The following UBN2 variants were observed in gnomAD, a reference collection of about 807,000 sequenced individuals.
UBN2 encodes ubinuclein 2.
Under a neutral mutation model 120.2 loss-of-function variants are expected in UBN2, and 35 were observed. That is an observed-to-expected ratio of 0.29 (90% CI 0.22 to 0.39). UBN2 has a LOEUF of 0.39. Among genes scored for constraint, UBN2 ranks in the 10% least tolerant of loss-of-function variants. UBN2 has a pLI of 1.00. For synonymous variants in UBN2, 661 were observed against 648.7 expected (o/e 1.02, Z -0.29); for missense variants, 1,693 against 1,663.2 (o/e 1.02, Z -0.31).
rs924988116 is a variant in UBN2 at position 139,231,637 on chromosome 7, G to A, written c.153G>A (p.Pro51=). The change falls in exon 1 of 18, where the codon CCG becomes CCA. Residue 51 remains proline, a synonymous_variant. Coordinates refer to ENST00000473989, the MANE Select transcript of UBN2 (RefSeq NM_173569.4). ...ACCGCGAGCCGGCCCGGGCGGAGCC[G>A]CCGGCCCCGCGGGAGCCTGCCCCCC... ...QPYREPARAE[P]PAPREPAPRS... 8 of 1,229,144 alleles carry A rather than the reference G, an allele frequency of 6.5e-6. No individual in the cohort carries two copies. The highest frequency in any genetic ancestry group is 8.1e-6 in the Non-Finnish European group (8 of 987,704). 76.1% of individuals were successfully genotyped at this position (1,229,144 alleles called of 1,614,324 possible).
rs1796748273 is a variant in UBN2, at chr7:139,255,787, G to A, written c.664-2701G>A. ...CACGAATTACTAAAAATAAATACCTGAAAATAAATGCTTTTGAAGATTATT... is the reference window on the plus strand; with the variant it reads ...CACGAATTACTAAAAATAAATACCTAAAAATAAATGCTTTTGAAGATTATT... On this transcript the variant is annotated intron_variant, in intron 3 of 17. Coordinates refer to ENST00000473989, the MANE Select transcript of UBN2 (RefSeq NM_173569.4). Among the ~76,000 whole-genome samples the A allele has an allele frequency of 2.6e-5, 4 of 152,000 alleles. No individual in the cohort carries two copies. The South Asian group carries it at 8.3e-4, about 32-fold the overall frequency.
At chr7:139,261,207 G>A (rs752299898) in intron 5 of UBN2, 45 bp from the exon 6 acceptor site, 33 of 1,530,790 alleles carry the variant, frequency 2.2e-5, no homozygotes, top group Non-Finnish European at 2.3e-5. Context: ...ACACTTTAAC[G>A]TTTAAAATCA....
chr7:139,244,374 A>AT (rs1229837083), intron 2 of UBN2, among the ~76,000 whole-genome samples: 1 of 152,104 alleles, frequency 6.6e-6, no homozygotes, highest in Non-Finnish European at 1.5e-5. Flanking sequence ...CTATAAAAAA[A>AT]TTTTTTTAAG....
Position 139,306,351 on chromosome 7 carries a change from GT to G in UBN2, c.*8519del, listed in dbSNP as rs1369681809. 3.3e-5 allele frequency: 5 copies of G among 152,104 alleles called. No individual in the cohort carries two copies. Among genetic ancestry groups the G allele is most frequent in the African/African-American group, 1.2e-4 (5 of 41,414 alleles). The allele number at this position is 152,104 out of a possible 1,614,324, so 9.4% of individuals were successfully genotyped here. A position where few individuals can be genotyped will look rare whatever the true frequency, so the allele number is the denominator to read the frequency against. Reference sequence around the variant, plus strand: ...AGTGTGCCCTCTGTCAGAAAATTGGGTTTTCTTTACTATACCTGCAAAATTA... The same window carrying G: ...AGTGTGCCCTCTGTCAGAAAATTGGGTTTCTTTACTATACCTGCAAAATTA... On this transcript the variant is annotated 3_prime_UTR_variant, in exon 18 of 18. Transcript: ENST00000473989.
chr7:139,319,379 G>C, the UBN2 span, among the ~76,000 whole-genome samples: 9 of 152,108 alleles, frequency 5.9e-5, no homozygotes, highest in Non-Finnish European at 1.2e-4. Flanking sequence ...CACCGCACCC[G>C]GTCCACAAGA....
rs1798373535 is a variant in UBN2, at chr7:139,307,236, C to CT, written c.*9402dup. On this transcript the variant is annotated 3_prime_UTR_variant, in exon 18 of 18. Coordinates refer to ENST00000473989, the MANE Select transcript of UBN2 (RefSeq NM_173569.4). The stretch of plus-strand genomic sequence containing the variant: ...GACAAGAATTACTGTATTGCATTTG[C>CT]TTATAGGGAGGTGTGTTTTTGCTAA... 6.6e-6 allele frequency: 1 copy of CT among 152,112 alleles called. No homozygotes were observed. The highest frequency in any genetic ancestry group is 2.1e-4 in the South Asian group (1 of 4,832). 9.4% of individuals were successfully genotyped at this position (152,112 alleles called of 1,614,324 possible).
the UBN2 span, among the ~76,000 whole-genome samples, chr7:139,320,869 AC>A: frequency 1.3e-5 from 2 of 151,984 alleles, no homozygotes; most frequent in Non-Finnish European, 2.9e-5. Flanking sequence ...AAAAAAAAAA[AC>A]AAACCATTCT....
At chr7:139,249,010 C>G (rs1412766187) in intron 2 of UBN2, among the ~76,000 whole-genome samples, 1 of 147,648 alleles carries the variant, frequency 6.8e-6, no homozygotes, top group African/African-American at 2.5e-5. Context: ...TTTATTACAT[C>G]TGTGTGTGTG....
chr7:139,264,631 G>A (rs889434003), intron 6 of UBN2, among the ~76,000 whole-genome samples: 1 of 152,082 alleles, frequency 6.6e-6, no homozygotes, highest in Non-Finnish European at 1.5e-5. Context: ...GAGTGCAGTG[G>A]TACAATCTCA....
chr7:139,269,967 C>G (rs2131003250), intron 8 of UBN2, among the ~76,000 whole-genome samples: 1 of 152,248 alleles, frequency 6.6e-6, no homozygotes, highest in Non-Finnish European at 1.5e-5. Flanking sequence ...CATCATTACC[C>G]TGGCCATTTT....
intron 11 of UBN2, among the ~76,000 whole-genome samples, chr7:139,274,749 C>T (rs1340665102): frequency 4.9e-5 from 7 of 143,048 alleles, no homozygotes; most frequent in African/African-American, 1.6e-4. Context: ...GCAACAAGAG[C>T]GAAACTCCGT....
rs1278488330 is a variant in UBN2 at position 139,238,094 on chromosome 7, T to C, written c.561+997T>C. On this transcript the variant is annotated intron_variant, in intron 2 of 17. Transcript: ENST00000473989. Reference sequence around the variant, plus strand: ...CACTCCTCACCCCACATTTACACTATGGCTTTGAGTACTCTTGGCACTTTA... The same window carrying C: ...CACTCCTCACCCCACATTTACACTACGGCTTTGAGTACTCTTGGCACTTTA... Among the ~76,000 whole-genome samples the C allele has an allele frequency of 2.0e-5, 3 of 152,218 alleles. 1 individual carries two copies. Among genetic ancestry groups the C allele is most frequent in the Middle Eastern group, 6.3e-3 (2 of 316 alleles).
rs374045310 is a variant in UBN2, at chr7:139,273,476, AT to A, written c.1829+67del. 240 of 1,115,082 alleles carry A rather than the reference AT, an allele frequency of 2.2e-4. No homozygotes were observed. In the African/African-American group the frequency reaches 3.4e-3, roughly 16 times the overall value. 69.1% of individuals were successfully genotyped at this position (1,115,082 alleles called of 1,614,324 possible). ...AAGTAAGATTCCTCATTAAAAAAAA[AT>A]CTATAATAAATATAAAACTAGATTG... On this transcript the variant is annotated intron_variant, in intron 10 of 17. Transcript: ENST00000473989.
chr7:139,308,958 T>A (rs1199807058), downstream of UBN2, among the ~76,000 whole-genome samples: 1 of 152,138 alleles, frequency 6.6e-6, no homozygotes, highest in Non-Finnish European at 1.5e-5. Context: ...TAATCCCAGC[T>A]ACTCGGGAAG....
chr7:139,302,090 TTTTC>T lies in UBN2; in HGVS notation c.*4262_*4265del, dbSNP rs899672785. 11 of 152,356 alleles carry T rather than the reference TTTTC, an allele frequency of 7.2e-5. No individual in the cohort carries two copies. The highest frequency in any genetic ancestry group is 2.4e-4 in the African/African-American group (10 of 41,574). 9.4% of individuals were successfully genotyped at this position (152,356 alleles called of 1,614,324 possible). On this transcript the variant is annotated 3_prime_UTR_variant, in exon 18 of 18. Coordinates refer to ENST00000473989, the MANE Select transcript of UBN2 (RefSeq NM_173569.4). The stretch of plus-strand genomic sequence containing the variant: ...GGCCTTTGTCTTTGTTAAGTGCCTT[TTTTC>T]TTTCTTTTTTCCTCTCTTTTGAAAC...
chr7:139,327,082 G>A, the UBN2 span, among the ~76,000 whole-genome samples: 2 of 152,162 alleles, frequency 1.3e-5, no homozygotes, highest in Non-Finnish European at 2.9e-5. Flanking sequence ...TGCCCAGGCT[G>A]GAATGCAATG....
rs2131037052 is a variant in UBN2, at chr7:139,283,492, C to G, written c.2587C>G (p.Gln863Glu). The change falls in exon 15 of 18, where the codon CAG becomes GAG. Residue 863 changes from glutamine to glutamate, a missense_variant. By Grantham distance (29) the Gln-to-Glu change is conservative (BLOSUM62 2). Around this residue, in one of 5 missense-constraint regions of UBN2, gnomAD observed 837 missense variants for 817.6 expected, o/e 1.02. Coordinates refer to ENST00000473989, the MANE Select transcript of UBN2 (RefSeq NM_173569.4). ...AGGCCTTATTGCTGGTTCTTCCATT[C>G]AGAACCCTAAAGTTTCTTTAGAACC... ...SSGLIAGSSI[Q>E]NPKVSLEPLP... The G allele has an allele frequency of 6.2e-7, 1 of 1,614,160 alleles. No individual in the cohort carries two copies. Among genetic ancestry groups the G allele is most frequent in the East Asian group, 2.2e-5 (1 of 44,884 alleles).
chr7:139,281,403 T>TAA (rs1797604083), intron 13 of UBN2, among the ~76,000 whole-genome samples: 1 of 152,188 alleles, frequency 6.6e-6, no homozygotes, highest in Non-Finnish European at 1.5e-5. Flanking sequence ...AAAGTATCTA[T>TAA]AAATTTCTCC....
intron 15 of UBN2, among the ~76,000 whole-genome samples, chr7:139,290,808 ATTTG>A (rs1411697989): frequency 6.6e-6 from 1 of 152,314 alleles, no homozygotes; most frequent in African/African-American, 2.4e-5. Flanking sequence ...GATATTCTTC[ATTTG>A]TTTGTTGAGC....
Sources: allele counts gnomAD v4.1 joint callset (sites outside exome capture counted in the v4.1 genomes callset), GRCh38; gene constraint gnomAD v4.1.1; regional missense constraint gnomAD v4.1.1; transcripts MANE v1.5; gene names NCBI Gene and HGNC (gene_info 2026-07-23, HGNC 2026-07-21).